Variants in IGSF5 observed in about 807,000 individuals in gnomAD.
IGSF5 encodes immunoglobulin superfamily member 5.
A neutral mutation model predicts 39.4 loss-of-function variants in IGSF5; 41 were observed. The observed-to-expected ratio is 1.04, with a 90% confidence interval of 0.81 to 1.35. IGSF5 has a LOEUF of 1.35. IGSF5 is among the 40% of genes most tolerant of loss of function. The probability of loss-of-function intolerance (pLI) is 0.00; values close to 1 mark genes in which losing one functional copy is unlikely to be tolerated. For synonymous variants in IGSF5, 183 were observed against 175.3 expected (o/e 1.04, Z -0.34); for missense variants, 487 against 494.6 (o/e 0.98, Z 0.15).
At chr21:39,722,137 A>G in the IGSF5 span, among the ~76,000 whole-genome samples, 1 of 152,178 alleles carries the variant, frequency 6.6e-6, no homozygotes, top group South Asian at 2.1e-4. Context: ...AGTTGTAAAG[A>G]TATGTTTTTA....
rs1218258860 is a variant in IGSF5 at position 39,788,197 on chromosome 21, GA to G, written c.956+12del. On this transcript the variant is annotated intron_variant, in intron 6 of 8. Transcript: ENST00000380588. Reference sequence around the variant, plus strand: ...CGTATTCAATTTCAAAAGTAAGTTTGAAACCACATCTATTTTCTGAAAACAA... The same window carrying G: ...CGTATTCAATTTCAAAAGTAAGTTTGAACCACATCTATTTTCTGAAAACAA... 1.3e-6 allele frequency: 2 copies of G among 1,579,108 alleles called. No individual in the cohort carries two copies. The highest frequency in any genetic ancestry group is 1.7e-6 in the Non-Finnish European group (2 of 1,152,426).
At chr21:39,773,180 C>T (rs943202596) in intron 4 of IGSF5, among the ~76,000 whole-genome samples, 2 of 152,128 alleles carry the variant, frequency 1.3e-5, no homozygotes, top group African/African-American at 2.4e-5. Context: ...TCTATGTATC[C>T]TTGTGTTCTC....
chr21:39,745,173 CTCCA>C, upstream of IGSF5, among the ~76,000 whole-genome samples: 1 of 151,524 alleles, frequency 6.6e-6, no homozygotes, highest in South Asian at 2.1e-4. Flanking sequence ...CTCTCTCTCT[CTCCA>C]TCTCTCTCTC....
chr21:39,770,593 C>G (rs2080108729), intron 3 of IGSF5, among the ~76,000 whole-genome samples: 1 of 152,174 alleles, frequency 6.6e-6, no homozygotes, highest in East Asian at 1.9e-4. Context: ...GATTGTATAA[C>G]CCCCCTATGG....
chr21:39,751,227 G>A (rs574262099), intron 2 of IGSF5: 2 of 152,226 alleles, frequency 1.3e-5, no homozygotes, highest in South Asian at 4.1e-4. Context: ...AGACAAGAGT[G>A]TGTTTCTACA....
chr21:39,749,920 G>C (rs750917800), intron 2 of IGSF5, among the ~76,000 whole-genome samples: 10 of 152,158 alleles, frequency 6.6e-5, no homozygotes, highest in Non-Finnish European at 1.0e-4. Flanking sequence ...TTTGAGTTCT[G>C]GCCTTTGCTC....
intron 3 of IGSF5, 53 bp from the exon 4 acceptor site, chr21:39,770,856 AAACTTAG>A: frequency 1.7e-6 from 2 of 1,202,728 alleles, no homozygotes; most frequent in Non-Finnish European, 2.2e-6. Context: ...AAAAAAAAGA[AAACTTAG>A]AAGCGAGAGG....
At chr21:39,792,885 C>G (rs2086973638) in intron 7 of IGSF5, among the ~76,000 whole-genome samples, 1 of 152,164 alleles carries the variant, frequency 6.6e-6, no homozygotes, top group African/African-American at 2.4e-5. Flanking sequence ...AACAGGACAC[C>G]TGCCCTCACA....
At chr21:39,762,939 G>T (rs1179337854) in intron 2 of IGSF5, among the ~76,000 whole-genome samples, 1 of 152,134 alleles carries the variant, frequency 6.6e-6, no homozygotes, top group Non-Finnish European at 1.5e-5. Context: ...CTTTCCCAGT[G>T]CTCTGCCCCC....
At chr21:39,732,762 A>T in the IGSF5 span, among the ~76,000 whole-genome samples, 1 of 152,218 alleles carries the variant, frequency 6.6e-6, no homozygotes, top group South Asian at 2.1e-4. Flanking sequence ...GTGGTGGCTC[A>T]TACCTGTAAT....
chr21:39,750,139 T>C (rs1161894690), intron 2 of IGSF5, among the ~76,000 whole-genome samples: 1 of 152,242 alleles, frequency 6.6e-6, no homozygotes, highest in Non-Finnish European at 1.5e-5. Context: ...CTTGACTTTC[T>C]CCCTTTGGCT....
chr21:39,763,149 A>G (rs755565105), intron 2 of IGSF5, among the ~76,000 whole-genome samples: 1 of 152,130 alleles, frequency 6.6e-6, no homozygotes, highest in Non-Finnish European at 1.5e-5. Flanking sequence ...ACAGCTCCTG[A>G]GTCTTGAGGC....
the IGSF5 span, among the ~76,000 whole-genome samples, chr21:39,723,653 A>G: frequency 2.0e-5 from 3 of 152,226 alleles, no homozygotes; most frequent in African/African-American, 7.2e-5. Context: ...TGACAGAACT[A>G]TAAAGGTTAT....
intron 5 of IGSF5, among the ~76,000 whole-genome samples, chr21:39,786,877 G>A (rs1216492143): frequency 1.3e-5 from 2 of 151,686 alleles, no homozygotes; most frequent in Admixed American, 6.6e-5. Context: ...CAAACACTGT[G>A]TATTCTCACT....
At chr21:39,773,649 T>G (rs567250748) in intron 4 of IGSF5, among the ~76,000 whole-genome samples, 2 of 152,328 alleles carry the variant, frequency 1.3e-5, no homozygotes, top group South Asian at 4.1e-4. Context: ...TTTGAGCACC[T>G]GGACCAGTAA....
the IGSF5 span, among the ~76,000 whole-genome samples, chr21:39,714,177 A>T: frequency 6.6e-6 from 1 of 152,236 alleles, no homozygotes; most frequent in South Asian, 2.1e-4. Context: ...CTCTAGAAAA[A>T]GTTCTACATG....
chr21:39,784,064 C>T (rs986446651), intron 5 of IGSF5, among the ~76,000 whole-genome samples: 1 of 152,156 alleles, frequency 6.6e-6, no homozygotes, highest in Non-Finnish European at 1.5e-5. Context: ...GGATTTATTT[C>T]TGGGTTCTCA....
intron 3 of IGSF5, among the ~76,000 whole-genome samples, chr21:39,768,177 C>T (rs2080095842): frequency 6.6e-6 from 1 of 152,198 alleles, no homozygotes; most frequent in African/African-American, 2.4e-5. Flanking sequence ...ACCCATAGAG[C>T]TTGGCCTGAA....
intron 4 of IGSF5, among the ~76,000 whole-genome samples, chr21:39,778,651 C>T (rs1017836345): frequency 7.9e-5 from 12 of 152,126 alleles, no homozygotes; most frequent in South Asian, 2.1e-4. Flanking sequence ...TTCCTCTGGG[C>T]GCTGGACTCT....
Sources: allele counts gnomAD v4.1 joint callset (sites outside exome capture counted in the v4.1 genomes callset), GRCh38; gene constraint gnomAD v4.1.1; transcripts MANE v1.5; gene names NCBI Gene and HGNC (gene_info 2026-07-23, HGNC 2026-07-21).